The following MCF2L variants were observed in gnomAD, a reference collection of about 807,000 sequenced individuals.
The protein encoded by MCF2L is MCF.2 cell line derived transforming sequence like.
MCF2L carries 97 observed loss-of-function variants against 153.4 expected under a neutral mutation model. The ratio of observed to expected loss-of-function variants is 0.63; its 90% confidence interval spans 0.54 to 0.75. MCF2L has a LOEUF of 0.75. MCF2L is among the 30% of genes least tolerant of loss of function. The pLI, the probability that MCF2L is intolerant of heterozygous loss-of-function variation, is 0.00. For synonymous variants in MCF2L, 659 were observed against 632.2 expected (o/e 1.04, Z -0.64); for missense variants, 1,347 against 1,495.2 (o/e 0.90, Z 1.64).
intron 1 of MCF2L, chr13:113,001,835 G>A: frequency 1.3e-6 from 2 of 1,504,830 alleles, no homozygotes; most frequent in Non-Finnish European, 1.8e-6. Flanking sequence ...TGGTGCTGGT[G>A]CTGCGCCATC....
At chr13:112,896,640 CCA>C (rs2081070834) in intron 1 of MCF2L, among the ~76,000 whole-genome samples, 1 of 152,294 alleles carries the variant, frequency 6.6e-6, no homozygotes, top group African/African-American at 2.4e-5. Flanking sequence ...CCTGGAGCAG[CCA>C]CAGTTAGCAC....
intron 2 of MCF2L, among the ~76,000 whole-genome samples, chr13:112,914,466 TC>T (rs1394129809): frequency 1.3e-5 from 2 of 152,240 alleles, no homozygotes; most frequent in Non-Finnish European, 2.9e-5. Flanking sequence ...TACATGCCCT[TC>T]AGCGTGTGTA....
chr13:112,998,670 C>T (rs559406704), intron 1 of MCF2L, among the ~76,000 whole-genome samples: 1 of 152,176 alleles, frequency 6.6e-6, no homozygotes, highest in African/African-American at 2.4e-5. Context: ...CTACTGCGCT[C>T]CCGATCCCAG....
intron 2 of MCF2L, among the ~76,000 whole-genome samples, chr13:113,017,034 A>G (rs930950637): frequency 6.6e-6 from 1 of 152,244 alleles, no homozygotes; most frequent in Non-Finnish European, 1.5e-5. Flanking sequence ...TCGTAGCAGC[A>G]GTACCACGTC....
At chr13:113,000,012 G>A (rs574004068) in intron 1 of MCF2L, among the ~76,000 whole-genome samples, 2 of 145,738 alleles carry the variant, frequency 1.4e-5, no homozygotes, top group African/African-American at 5.0e-5. Flanking sequence ...GAAGACGCCG[G>A]CAGGCCCCAG....
chr13:113,033,569 G>A (rs2085934486), intron 3 of MCF2L, among the ~76,000 whole-genome samples: 13 of 152,216 alleles, frequency 8.5e-5, no homozygotes. Flanking sequence ...GCCCCGCCAT[G>A]GTGTTCTGTC....
intron 1 of MCF2L, chr13:112,985,582 C>T (rs2140934980): frequency 2.4e-6 from 1 of 418,988 alleles, no homozygotes; most frequent in South Asian, 1.7e-5. Flanking sequence ...TGTGGATGCC[C>T]CGTGCTCCAC....
chr13:113,046,019 CGAGAGTCTGTTTGCA>C lies in MCF2L; in HGVS notation c.369+661_369+675del. ...TTTCCAAGGACTTTCCCTTGGCATC[CGAGAGTCTGTTTGCA>C]GATTCTGCACGCTGCCTTCCATAGC... On this transcript the variant is annotated intron_variant, in intron 4 of 29. Transcript: ENST00000535094. The surrounding 1 kb of genome is among the most constrained non-coding windows in gnomAD (Gnocchi z 4.4). 6.4e-6 allele frequency: 1 copy of C among 155,702 alleles called. No homozygotes were observed. The highest frequency in any genetic ancestry group is 1.4e-5 in the Non-Finnish European group (1 of 70,270). 9.6% of individuals were successfully genotyped at this position (155,702 alleles called of 1,614,324 possible). A position where few individuals can be genotyped will look rare whatever the true frequency, so the allele number is the denominator to read the frequency against.
intron 2 of MCF2L, among the ~76,000 whole-genome samples, chr13:112,952,188 T>G (rs1228287281): frequency 1.3e-5 from 2 of 152,162 alleles, no homozygotes; most frequent in Non-Finnish European, 2.9e-5. Context: ...GAATCGGGTG[T>G]GTTTAAATAT....
At position 112,983,048 on chromosome 13, in the gene MCF2L, G is replaced by A. The variant is rs987569530; in HGVS notation, c.79+13590G>A. 1.3e-5 allele frequency among the ~76,000 whole-genome samples: 2 copies of A among 152,046 alleles called. No individual in the cohort carries two copies. Among genetic ancestry groups the A allele is most frequent in the African/African-American group, 2.4e-5 (1 of 41,394 alleles). On this transcript the variant is annotated intron_variant, in intron 1 of 29. Coordinates refer to ENST00000535094, the MANE Select transcript of MCF2L (RefSeq NM_001112732.3). This position sits in a 1 kb window ranked among gnomAD's most constrained non-coding sequence, Gnocchi z 4.0. ...GGGAAAGCACTTCCTGATGCCTTTG[G>A]GTGTGGAAAGTGGTGGGGGCAGCCA...
chr13:113,023,414 G>A lies in MCF2L; in HGVS notation c.164-1230G>A, dbSNP rs528206384. 8.5e-5 allele frequency among the ~76,000 whole-genome samples: 13 copies of A among 152,310 alleles called. No homozygotes were observed. The South Asian group carries it at 1.5e-3, about 17-fold the overall frequency. ...CCCGGGATCACTGGATGGTAAAGCC[G>A]CCCTGCCTGGCGTGGCTGGGCTTGG... On this transcript the variant is annotated intron_variant, in intron 2 of 29. Coordinates refer to ENST00000535094, the MANE Select transcript of MCF2L (RefSeq NM_001112732.3).
chr13:112,924,402 G>C (rs888615732), intron 2 of MCF2L, among the ~76,000 whole-genome samples: 5 of 152,060 alleles, frequency 3.3e-5, no homozygotes, highest in African/African-American at 1.2e-4. Flanking sequence ...AAAAAAATAA[G>C]GGAATTAATA....
Position 112,975,057 on chromosome 13 carries a change from A to G in MCF2L, c.79+5599A>G, listed in dbSNP as rs2082169740. Among the ~76,000 whole-genome samples the G allele has an allele frequency of 2.0e-5, 3 of 152,328 alleles. No homozygotes were observed. In the South Asian group the frequency reaches 6.2e-4, roughly 32 times the overall value. On this transcript the variant is annotated intron_variant, in intron 1 of 29. Transcript: ENST00000535094. ...GTAGAGTTGGAAGGATACCACTGTA[A>G]GTAGTATTTTCACACTTCTACCCTT...
At chr13:112,987,854 G>C (rs56236199) in intron 1 of MCF2L, among the ~76,000 whole-genome samples, 5 of 152,276 alleles carry the variant, frequency 3.3e-5, no homozygotes, top group Admixed American at 6.5e-5. Flanking sequence ...TCGTCACAGC[G>C]GACCTGTGAG....
chr13:113,085,391 C>A (rs373564613), intron 20 of MCF2L, among the ~76,000 whole-genome samples: 1 of 152,204 alleles, frequency 6.6e-6, no homozygotes, highest in African/African-American at 2.4e-5. Flanking sequence ...GTCCCCGTCC[C>A]CATGGGTTGG....
chr13:112,996,433 T>G (rs907747861), intron 1 of MCF2L, among the ~76,000 whole-genome samples: 3 of 152,216 alleles, frequency 2.0e-5, no homozygotes, highest in African/African-American at 7.2e-5. Flanking sequence ...GGATGGGCCG[T>G]GCTACCCTGG....
At chr13:112,944,090 TCCGGACCATGAGGGAAGGGTC>T (rs1218707804) in intron 2 of MCF2L, among the ~76,000 whole-genome samples, 4 of 111,244 alleles carry the variant, frequency 3.6e-5, no homozygotes, top group African/African-American at 1.5e-4. Context: ...AGGGAAGGGT[TCCGGACCATGAGGGAAGGGTC>T]CCGGGCCGTG....
At chr13:113,080,693 G>A (rs1428649258) in intron 15 of MCF2L, among the ~76,000 whole-genome samples, 1 of 152,246 alleles carries the variant, frequency 6.6e-6, no homozygotes, top group Non-Finnish European at 1.5e-5. Flanking sequence ...TGCTGTGTGT[G>A]AGGGCGTGGG....
At chr13:113,036,768 G>A (rs1344044520) in intron 3 of MCF2L, among the ~76,000 whole-genome samples, 1 of 152,230 alleles carries the variant, frequency 6.6e-6, no homozygotes, top group Non-Finnish European at 1.5e-5. Flanking sequence ...GCCAGTGGGT[G>A]GCCCCCCAAC....
Sources: allele counts gnomAD v4.1 joint callset (sites outside exome capture counted in the v4.1 genomes callset), GRCh38; gene constraint gnomAD v4.1.1; non-coding constraint Gnocchi (gnomAD v3.1); transcripts MANE v1.5; gene names NCBI Gene and HGNC (gene_info 2026-07-23, HGNC 2026-07-21).